CCDC12: variants seen among roughly 807,000 people sequenced by gnomAD.
CCDC12 encodes coiled-coil domain-containing protein 12.
CCDC12 carries 28 observed loss-of-function variants against 25.7 expected under a neutral mutation model. That is an observed-to-expected ratio of 1.09 (90% CI 0.81 to 1.50). CCDC12 has a LOEUF of 1.50. Ranked by LOEUF, CCDC12 falls within the 40% of genes most tolerant of loss-of-function variation. CCDC12 has a pLI of 0.00. For synonymous variants in CCDC12, 75 were observed against 87.7 expected, an observed-to-expected ratio of 0.86 and a Z score of 0.81; for missense variants, 198 against 210.0, an observed-to-expected ratio of 0.94 and a Z score of 0.35.
At chr3:46,950,855 C>T (rs1485369760) in intron 1 of CCDC12, among the ~76,000 whole-genome samples, 2 of 151,968 alleles carry the variant, frequency 1.3e-5, no homozygotes, top group Non-Finnish European at 1.5e-5. Context: ...TTTGCAACAA[C>T]ATGGACAAAT....
chr3:46,961,324 G>A (rs2034456540), intron 1 of CCDC12, among the ~76,000 whole-genome samples: 1 of 152,196 alleles, frequency 6.6e-6, no homozygotes, highest in South Asian at 2.1e-4. Flanking sequence ...CCCAATGTCT[G>A]CAGGGTCAAT....
intron 2 of CCDC12, among the ~76,000 whole-genome samples, chr3:46,936,698 T>C (rs748618284): frequency 6.6e-6 from 1 of 152,138 alleles, no homozygotes; most frequent in Non-Finnish European, 1.5e-5. Context: ...ACATGTGTTC[T>C]TCCCCTAAGT....
chr3:46,971,561 T>A (rs2034803706), intron 1 of CCDC12, among the ~76,000 whole-genome samples: 1 of 152,190 alleles, frequency 6.6e-6, no homozygotes, highest in South Asian at 2.1e-4. Context: ...ACGGAAACAT[T>A]GCAACCCCTA....
At chr3:46,941,163 G>C in intron 1 of CCDC12, 98 bp from the exon 2 acceptor site, 2 of 1,173,574 alleles carry the variant, frequency 1.7e-6, no homozygotes, top group Non-Finnish European at 2.6e-6. Flanking sequence ...TCAGAAGGGG[G>C]GCACCTGGCA....
intron 1 of CCDC12, among the ~76,000 whole-genome samples, chr3:46,946,161 C>G (rs1271325034): frequency 6.6e-6 from 1 of 152,202 alleles, no homozygotes; most frequent in African/African-American, 2.4e-5. Flanking sequence ...CTTGCCCCTT[C>G]CCACCCACAG....
chr3:46,961,146 T>C (rs1378846044), intron 1 of CCDC12, among the ~76,000 whole-genome samples: 1 of 151,916 alleles, frequency 6.6e-6, no homozygotes, highest in Non-Finnish European at 1.5e-5. Context: ...GGAGAGTACA[T>C]GCTGTATGTG....
In CCDC12 at chr3:46,925,449, T is replaced by C. The variant is rs750986517; in HGVS notation, c.244+7A>G. 1.4e-5 allele frequency: 23 copies of C among 1,613,320 alleles called. No individual in the cohort carries two copies. The South Asian group carries it at 2.5e-4, about 18-fold the overall frequency. On this transcript the variant is annotated splice_region_variant and intron_variant, in intron 3 of 6. Transcript: ENST00000683445. ...GAAGCAGAGGTGGAGAGGGACAGCT[T>C]GCTTACCTGCAACCGGTTTGGCCTG... is the stretch of plus-strand genomic sequence containing the variant.
chr3:46,961,280 T>C (rs1347653446), intron 1 of CCDC12, among the ~76,000 whole-genome samples: 1 of 152,216 alleles, frequency 6.6e-6, no homozygotes, highest in Admixed American at 6.5e-5. Context: ...ATTTCTGTAT[T>C]ACAATTCTTA....
chr3:46,968,365 C>T (rs2034700512), intron 1 of CCDC12, among the ~76,000 whole-genome samples: 1 of 152,076 alleles, frequency 6.6e-6, no homozygotes. Flanking sequence ...CGGGCCAGTT[C>T]CACCCACTGT....
At chr3:46,980,179 GTCTT>G (rs1173047470), upstream of CCDC12, among the ~76,000 whole-genome samples, 3 of 152,242 alleles carry the variant, frequency 2.0e-5, no homozygotes, top group Admixed American at 6.5e-5. Flanking sequence ...TGCAGCCTGA[GTCTT>G]TCTTGCTAGA....
At chr3:46,981,909 C>A (rs2035374686) in intron 1 of CCDC12, 1 of 152,304 alleles carries the variant, frequency 6.6e-6, no homozygotes, top group African/African-American at 2.4e-5. Context: ...TGTGCTGAGC[C>A]TCCCCCTCCC....
In CCDC12 at chr3:46,921,926, CAGACTT is replaced by C; in HGVS notation, c.*125_*130del. 1 of 953,032 alleles carries C rather than the reference CAGACTT, an allele frequency of 1.0e-6. No homozygotes were observed. Among genetic ancestry groups the C allele is most frequent in the Non-Finnish European group, 1.6e-6 (1 of 630,544 alleles). 59.0% of individuals were successfully genotyped at this position (953,032 alleles called of 1,614,324 possible). A position where few individuals can be genotyped will look rare whatever the true frequency, so the allele number is the denominator to read the frequency against. On this transcript the variant is annotated 3_prime_UTR_variant, in exon 7 of 7. Coordinates refer to ENST00000683445, the MANE Select transcript of CCDC12 (RefSeq NM_001277074.2). ...GAGCTGACCTCATCCATGGGGGTTT[CAGACTT>C]GATGGGCAGGGAGTCTCTGCTCAGA...
intron 2 of CCDC12, 200 bp downstream of exon 2, chr3:46,940,798 G>C: frequency 1.7e-6 from 1 of 601,176 alleles, no homozygotes; most frequent in South Asian, 2.2e-5. Flanking sequence ...AATGGAAAAT[G>C]AGGGAAAGGA....
intron 2 of CCDC12, 107 bp from the exon 3 acceptor site, chr3:46,925,642 A>G: frequency 1.0e-6 from 1 of 956,304 alleles, no homozygotes; most frequent in East Asian, 2.7e-5. Context: ...TTTCCTCTGC[A>G]CTCTCTGGAG....
At position 46,923,657 on chromosome 3, in the gene CCDC12, C is replaced by A. The variant is rs1463128303; in HGVS notation, c.256G>T (p.Val86Leu). The change falls in exon 4 of 7, where the codon GTG (valine) becomes TTG (leucine). Residue 86 changes from valine (V) to leucine (L), a missense_variant. By Grantham distance (32) the Val-to-Leu change is conservative (BLOSUM62 1). Transcript: ENST00000683445. ...TTGGCGGCCTCCAGCTGCTCCTTCA[C>A]CTTCTCCTCCACTAGAGGGTGCAAT... ...QAKPVAVEEKVKEQLEAAKPE... is the reference protein window; with the variant it reads ...QAKPVAVEEKLKEQLEAAKPE... 6.4e-7 allele frequency: 1 copy of A among 1,565,468 alleles called. No homozygotes were observed. Among genetic ancestry groups the A allele is most frequent in the East Asian group, 2.3e-5 (1 of 43,576 alleles).
intron 5 of CCDC12, chr3:46,922,613 A>G (rs2032733305): frequency 4.3e-6 from 2 of 461,628 alleles, no homozygotes; most frequent in Non-Finnish European, 7.9e-6. Context: ...TCCTCTGGTC[A>G]CCATCAGGGA....
chr3:46,951,827 A>ATATATATATATATATATAT (rs1328099662), intron 1 of CCDC12, among the ~76,000 whole-genome samples: 5 of 105,766 alleles, frequency 4.7e-5, no homozygotes, highest in Non-Finnish European at 9.4e-5. Context: ...ATATATACTT[A>ATATATATATATATATATAT]ATGAGGATCA....
intron 2 of CCDC12, among the ~76,000 whole-genome samples, chr3:46,937,512 T>C (rs2033497131): frequency 6.6e-6 from 1 of 152,160 alleles, no homozygotes; most frequent in Admixed American, 6.5e-5. Context: ...GGAAGAAGGA[T>C]GCTCACTGGC....
chr3:46,922,571 G>A, intron 5 of CCDC12: 1 of 553,038 alleles, frequency 1.8e-6, no homozygotes, highest in South Asian at 2.0e-5. Flanking sequence ...GGCAAAGGTG[G>A]ATGGTTTCTC....
Sources: allele counts gnomAD v4.1 joint callset (sites outside exome capture counted in the v4.1 genomes callset), GRCh38; gene constraint gnomAD v4.1.1; transcripts MANE v1.5; gene names NCBI Gene and HGNC (gene_info 2026-07-23, HGNC 2026-07-21).